Variants in PARN observed in about 807,000 individuals in gnomAD.
PARN encodes the protein poly(A)-specific ribonuclease PARN.
Under a neutral mutation model 102.8 loss-of-function variants are expected in PARN, and 71 were observed. The observed-to-expected ratio is 0.69, with a 90% CI of 0.57 to 0.84. The LOEUF (loss-of-function observed/expected upper bound fraction) is 0.84. PARN is among the 40% of genes least tolerant of loss of function. The probability of loss-of-function intolerance (pLI) is 0.00; values close to 1 mark genes in which losing one functional copy is unlikely to be tolerated. For missense variants in PARN, 782 were observed against 760.9 expected (o/e 1.03, Z -0.33); for synonymous variants, 261 against 252.9 (o/e 1.03, Z -0.30).
At chr16:14,443,994 C>G (rs1961076585) in intron 23 of PARN, among the ~76,000 whole-genome samples, 1 of 152,208 alleles carries the variant, frequency 6.6e-6, no homozygotes, top group African/African-American at 2.4e-5. Flanking sequence ...CTGGCACACT[C>G]TAAATACTTC....
chr16:14,610,503 ATGCCACAATTATATCC>A (rs1304539787), intron 7 of PARN, 125 bp downstream of exon 7: 2 of 476,788 alleles, frequency 4.2e-6, no homozygotes, highest in African/African-American at 2.0e-5. Flanking sequence ...TTTTTTTAAT[ATGCCACAATTATATCC>A]TGCCATTCAC....
intron 22 of PARN, among the ~76,000 whole-genome samples, chr16:14,451,502 T>C (rs1170174328): frequency 6.6e-6 from 1 of 152,072 alleles, no homozygotes; most frequent in African/African-American, 2.4e-5. Context: ...ATCTCAAACA[T>C]TCTAAGTGAA....
intron 17 of PARN, among the ~76,000 whole-genome samples, chr16:14,581,155 T>C (rs1969510792): frequency 6.6e-6 from 1 of 151,936 alleles, no homozygotes; most frequent in Non-Finnish European, 1.5e-5. Context: ...CAGATTCAAG[T>C]GATTGTCCTG....
chr16:14,483,334 T>C (rs1344026615), intron 21 of PARN, among the ~76,000 whole-genome samples: 2 of 152,148 alleles, frequency 1.3e-5, no homozygotes, highest in African/African-American at 4.8e-5. Flanking sequence ...ATGCATTATA[T>C]CTAATCTTCA....
intron 18 of PARN, among the ~76,000 whole-genome samples, chr16:14,571,654 T>C (rs908001624): frequency 6.6e-6 from 1 of 152,190 alleles, no homozygotes; most frequent in Non-Finnish European, 1.5e-5. Flanking sequence ...TGTCTCAAAC[T>C]ATGTCACCAC....
chr16:14,507,863 T>C (rs1473590490), intron 21 of PARN, among the ~76,000 whole-genome samples: 5 of 152,210 alleles, frequency 3.3e-5, no homozygotes, highest in African/African-American at 1.2e-4. Flanking sequence ...CATATCAACT[T>C]GATGGCTTAT....
Position 14,617,633 on chromosome 16 carries a change from A to G in PARN, c.345T>C (p.Phe115=), listed in dbSNP as rs201678082. 21 of 1,597,314 alleles carry G rather than the reference A, an allele frequency of 1.3e-5. No individual in the cohort carries two copies. The East Asian group carries it at 4.2e-4, about 32-fold the overall frequency. ...TAAAATCAAATCCCTGGCTTGCTAGAAAGTCAATGCTGGAGCTCTGAAACA... is the reference window on the plus strand; with the variant it reads ...TAAAATCAAATCCCTGGCTTGCTAGGAAGTCAATGCTGGAGCTCTGAAACA... ...KFVCQSSSID[F]LASQGFDFNK... Residue 115 remains phenylalanine, a synonymous_variant, in exon 6 of 24, where the codon TTT becomes TTC. Transcript: ENST00000437198.
intron 6 of PARN, among the ~76,000 whole-genome samples, chr16:14,616,537 G>A (rs919682765): frequency 6.6e-6 from 1 of 152,202 alleles, no homozygotes; most frequent in African/African-American, 2.4e-5. Context: ...TTCGAGGACA[G>A]GAGTTTGGGA....
At chr16:14,555,020 TG>T (rs1967575994) in intron 19 of PARN, among the ~76,000 whole-genome samples, 1 of 152,174 alleles carries the variant, frequency 6.6e-6, no homozygotes, top group Non-Finnish European at 1.5e-5. Flanking sequence ...ACAGAATTCT[TG>T]TGAGAATGAC....
At chr16:14,557,983 C>A (rs1039430303) in intron 18 of PARN, among the ~76,000 whole-genome samples, 3 of 151,972 alleles carry the variant, frequency 2.0e-5, no homozygotes, top group African/African-American at 7.2e-5. Context: ...AAAGTTATTC[C>A]TAGGTTAGTG....
intron 11 of PARN, among the ~76,000 whole-genome samples, chr16:14,601,306 T>G (rs1315356543): frequency 6.6e-6 from 1 of 152,170 alleles, no homozygotes; most frequent in African/African-American, 2.4e-5. Flanking sequence ...ACACATGCTA[T>G]AACATGGGGA....
chr16:14,462,191 G>T (rs1412566160), intron 22 of PARN, among the ~76,000 whole-genome samples: 1 of 152,052 alleles, frequency 6.6e-6, no homozygotes, highest in African/African-American at 2.4e-5. Flanking sequence ...ATCCAACAAG[G>T]AAGAGCTGTA....
intron 21 of PARN, among the ~76,000 whole-genome samples, chr16:14,498,940 G>A (rs749969150): frequency 3.9e-5 from 6 of 152,160 alleles, no homozygotes; most frequent in Admixed American, 6.5e-5. Context: ...GACCCTACAC[G>A]CTGAAACCCT....
chr16:14,457,009 T>C (rs1961711939), intron 22 of PARN, among the ~76,000 whole-genome samples: 1 of 152,208 alleles, frequency 6.6e-6, no homozygotes, highest in Admixed American at 6.5e-5. Flanking sequence ...GTGCTCTCCG[T>C]ACCTGGCACA....
chr16:14,534,771 A>G (rs1041832749), intron 21 of PARN, among the ~76,000 whole-genome samples: 2 of 152,194 alleles, frequency 1.3e-5, no homozygotes, highest in African/African-American at 4.8e-5. Context: ...CACAAGCGGA[A>G]AGGATGAAAG....
chr16:14,579,293 AT>A (rs1033527438), intron 18 of PARN, among the ~76,000 whole-genome samples: 1 of 152,224 alleles, frequency 6.6e-6, no homozygotes, highest in African/African-American at 2.4e-5. Context: ...ATCAAAGTTT[AT>A]TTTGATTGCT....
intron 5 of PARN, among the ~76,000 whole-genome samples, chr16:14,625,586 T>C (rs1392473480): frequency 6.6e-6 from 1 of 152,204 alleles, no homozygotes; most frequent in East Asian, 1.9e-4. Flanking sequence ...GATTGCAGGG[T>C]AAAGGTAAAA....
At chr16:14,459,290 A>G (rs1961840202) in intron 22 of PARN, among the ~76,000 whole-genome samples, 1 of 152,252 alleles carries the variant, frequency 6.6e-6, no homozygotes, top group Non-Finnish European at 1.5e-5. Flanking sequence ...TCTACAATAA[A>G]TTATTAGAAC....
At chr16:14,438,145 A>G (rs1960787518) in intron 23 of PARN, among the ~76,000 whole-genome samples, 2 of 152,200 alleles carry the variant, frequency 1.3e-5, no homozygotes, top group African/African-American at 4.8e-5. Context: ...CCAGTGAAGT[A>G]CTGCAAGGGG....
Sources: gnomAD v4.1 joint callset for allele counts (sites outside exome capture counted in the v4.1 genomes callset) on GRCh38, gnomAD v4.1.1 for gene constraint, MANE v1.5 for transcripts, NCBI Gene and HGNC (gene_info 2026-07-23, HGNC 2026-07-21) for gene names.